The following PLEKHG1 variants were observed in gnomAD, a reference collection of about 807,000 sequenced individuals.
PLEKHG1 encodes the protein pleckstrin homology domain-containing family G member 1.
Under a neutral mutation model 100.8 loss-of-function variants are expected in PLEKHG1, and 44 were observed. The observed-to-expected ratio is 0.44, with a 90% CI of 0.34 to 0.56. The LOEUF (loss-of-function observed/expected upper bound fraction) is 0.56. Among genes scored for constraint, PLEKHG1 ranks in the 20% least tolerant of loss-of-function variants. PLEKHG1 has a pLI of 0.01. For missense variants in PLEKHG1, 1,545 were observed against 1,720.9 expected (o/e 0.90, Z 1.81); for synonymous variants, 640 against 662.5 (o/e 0.97, Z 0.52).
intron 14 of PLEKHG1, among the ~76,000 whole-genome samples, chr6:150,828,793 C>G (rs1032064383): frequency 1.3e-5 from 2 of 152,012 alleles, no homozygotes; most frequent in African/African-American, 2.4e-5. Context: ...TAATATTAAC[C>G]TTGTTTTACT....
rs922228800 is a variant in PLEKHG1, at chr6:150,702,678, T to C, written c.-98-30906T>C. ...AGTGTAATCCCTTAACATGTAGTTATATTTTATTTTGTCATAAATAAAAAA... is the reference window on the plus strand; with the variant it reads ...AGTGTAATCCCTTAACATGTAGTTACATTTTATTTTGTCATAAATAAAAAA... On this transcript the variant is annotated intron_variant, in intron 3 of 3. Transcript: ENST00000367326. Among the ~76,000 whole-genome samples the C allele has an allele frequency of 5.3e-5, 8 of 152,254 alleles. No homozygotes were observed. The East Asian group carries it at 1.5e-3, about 29-fold the overall frequency.
intron 2 of PLEKHG1, among the ~76,000 whole-genome samples, chr6:150,752,065 A>G (rs1274774319): frequency 6.6e-6 from 1 of 152,102 alleles, no homozygotes; most frequent in Non-Finnish European, 1.5e-5. Flanking sequence ...AGGCACCAGT[A>G]ATCCCAGCTG....
chr6:150,666,910 A>G (rs9480513), intron 3 of PLEKHG1, among the ~76,000 whole-genome samples: 15,751 of 151,892 alleles, frequency 0.1, 866 homozygotes, highest in South Asian at 0.17. Flanking sequence ...ACAGGTGCCC[A>G]CCACCACACC....
chr6:150,680,945 G>A (rs549660591), intron 3 of PLEKHG1, among the ~76,000 whole-genome samples: 80 of 152,288 alleles, frequency 5.3e-4, no homozygotes, highest in African/African-American at 1.8e-3. Flanking sequence ...CCCACCATTA[G>A]GACAGACAAA....
upstream of PLEKHG1, among the ~76,000 whole-genome samples, chr6:150,718,852 A>G (rs975163935): frequency 3.3e-5 from 5 of 151,556 alleles, no homozygotes; most frequent in African/African-American, 1.2e-4. Flanking sequence ...TGGTTAATTT[A>G]TTCAAGCAAA....
chr6:150,754,669 CT>C lies in PLEKHG1; in HGVS notation c.412-13953del, dbSNP rs1203495060. Among the ~76,000 whole-genome samples, 438 of 134,804 alleles carry C rather than the reference CT, an allele frequency of 3.2e-3. 1 individual carries two copies. The highest frequency in any genetic ancestry group is 0.013 in the South Asian group (54 of 4,162). 88.4% of individuals were successfully genotyped at this position (134,804 alleles called of 152,430 possible). A position where few individuals can be genotyped will look rare whatever the true frequency, so the allele number is the denominator to read the frequency against. Reference sequence around the variant, plus strand: ...TTTAGATGGCATTAGGACTTTCTTTCTTTTTTTTTTTTTTTTGAGATCGAGT... The same window carrying C: ...TTTAGATGGCATTAGGACTTTCTTTCTTTTTTTTTTTTTTTGAGATCGAGT... On this transcript the variant is annotated intron_variant, in intron 2 of 15. Transcript: ENST00000358517.
At chr6:150,615,761 T>C (rs1469571237) in intron 1 of PLEKHG1, among the ~76,000 whole-genome samples, 1 of 152,122 alleles carries the variant, frequency 6.6e-6, no homozygotes, top group East Asian at 1.9e-4. Context: ...AGGAGGTGGT[T>C]AGGAAGCTTT....
At chr6:150,659,635 G>A (rs1779106580) in intron 3 of PLEKHG1, among the ~76,000 whole-genome samples, 1 of 152,136 alleles carries the variant, frequency 6.6e-6, no homozygotes, top group Admixed American at 6.6e-5. Context: ...GACCTTATCG[G>A]TCCTTTTAAA....
At chr6:150,727,174 A>C (rs1237866735) in intron 1 of PLEKHG1, among the ~76,000 whole-genome samples, 1 of 152,190 alleles carries the variant, frequency 6.6e-6, no homozygotes, top group Non-Finnish European at 1.5e-5. Context: ...AGGAACTCAG[A>C]CTAGGTATTT....
chr6:150,781,577 A>T (rs1396280770), intron 3 of PLEKHG1, among the ~76,000 whole-genome samples: 1 of 152,114 alleles, frequency 6.6e-6, no homozygotes, highest in Non-Finnish European at 1.5e-5. Flanking sequence ...ATGTAAAATT[A>T]AAAGAGCGCT....
At chr6:150,745,142 A>T (rs1324076981) in intron 2 of PLEKHG1, among the ~76,000 whole-genome samples, 1 of 152,208 alleles carries the variant, frequency 6.6e-6, no homozygotes, top group African/African-American at 2.4e-5. Flanking sequence ...TGTACAGCCT[A>T]CCACACACCT....
At chr6:150,703,626 T>C (rs1780891799) in intron 3 of PLEKHG1, among the ~76,000 whole-genome samples, 1 of 150,402 alleles carries the variant, frequency 6.6e-6, no homozygotes, top group African/African-American at 2.5e-5. Flanking sequence ...AAAACAACTT[T>C]TTTCTACTTG....
At chr6:150,643,385 A>T (rs557313478) in intron 2 of PLEKHG1, among the ~76,000 whole-genome samples, 1 of 152,306 alleles carries the variant, frequency 6.6e-6, no homozygotes, top group South Asian at 2.1e-4. Context: ...ATGTAGTAAG[A>T]ACCTCAATCA....
chr6:150,804,394 C>T lies in PLEKHG1; in HGVS notation c.781-216C>T, dbSNP rs140372737. Among the ~76,000 whole-genome samples, 739 of 150,272 alleles carry T rather than the reference C, an allele frequency of 4.9e-3. 4 individuals carry two copies. The highest frequency in any genetic ancestry group is 0.017 in the African/African-American group (706 of 40,990). ...AGAGACAGGGTTTCACCATGTTGGC[C>T]AGACTGGTCTCGAACTCTGGACCTC... On this transcript the variant is annotated intron_variant, in intron 6 of 15. Transcript: ENST00000358517.
intron 1 of PLEKHG1, among the ~76,000 whole-genome samples, chr6:150,637,213 T>C (rs1212161250): frequency 2.0e-5 from 3 of 152,206 alleles, no homozygotes; most frequent in East Asian, 3.8e-4. Context: ...GCAAATATTA[T>C]TCACTGCGGA....
chr6:150,817,149 A>G (rs1240064477), intron 10 of PLEKHG1, among the ~76,000 whole-genome samples: 1 of 152,170 alleles, frequency 6.6e-6, no homozygotes, highest in Non-Finnish European at 1.5e-5. Context: ...AGTGGGTGGA[A>G]CTCACCAGTT....
At chr6:150,826,934 C>T (rs189993780) in intron 14 of PLEKHG1, among the ~76,000 whole-genome samples, 2 of 152,174 alleles carry the variant, frequency 1.3e-5, no homozygotes, top group African/African-American at 2.4e-5. Context: ...TCACCGTGTC[C>T]AGCCTGATTC....
intron 2 of PLEKHG1, among the ~76,000 whole-genome samples, chr6:150,763,985 C>T (rs138598465): frequency 6.6e-6 from 1 of 152,272 alleles, no homozygotes; most frequent in African/African-American, 2.4e-5. Flanking sequence ...TATTATTCTC[C>T]ACATCCCATT....
chr6:150,653,008 A>G lies in PLEKHG1; in HGVS notation c.-99+2222A>G, dbSNP rs533648137. Among the ~76,000 whole-genome samples the G allele has an allele frequency of 4.6e-5, 7 of 152,290 alleles. No individual in the cohort carries two copies. The South Asian group carries it at 1.5e-3, about 32-fold the overall frequency. On this transcript the variant is annotated intron_variant, in intron 3 of 3. Coordinates refer to the PLEKHG1 transcript ENST00000367326. ...TTCATCAGTGTTTTGCTAACTGGTA[A>G]AACAATGGTTTTCTTACTGCAGATC...
Sources: allele counts gnomAD v4.1 joint callset (sites outside exome capture counted in the v4.1 genomes callset), GRCh38; gene constraint gnomAD v4.1.1; transcripts MANE v1.5; gene names NCBI Gene and HGNC (gene_info 2026-07-23, HGNC 2026-07-21).